The following HPSE2 variants were observed in gnomAD, a reference collection of about 807,000 sequenced individuals.
HPSE2 encodes the protein heparanase 2 (inactive).
Under a neutral mutation model 60.5 loss-of-function variants are expected in HPSE2, and 38 were observed. That is an observed-to-expected ratio of 0.63 (90% CI 0.48 to 0.82). The LOEUF (loss-of-function observed/expected upper bound fraction) is 0.82. HPSE2 is among the 40% of genes least tolerant of loss of function. The pLI, the probability that HPSE2 is intolerant of heterozygous loss-of-function variation, is 0.00. For missense variants in HPSE2, 713 were observed against 740.4 expected (o/e 0.96, Z 0.43); for synonymous variants, 295 against 293.2 (o/e 1.01, Z -0.06).
intron 3 of HPSE2, among the ~76,000 whole-genome samples, chr10:98,770,656 CT>C (rs1950221228): frequency 1.3e-5 from 2 of 152,052 alleles, no homozygotes; most frequent in East Asian, 1.9e-4. Flanking sequence ...CTCGCCTCCC[CT>C]TCCCCCAACC....
intron 3 of HPSE2, among the ~76,000 whole-genome samples, chr10:98,755,504 C>T (rs1246553579): frequency 1.3e-5 from 2 of 152,184 alleles, no homozygotes; most frequent in East Asian, 3.8e-4. Flanking sequence ...AAACTCAGCA[C>T]TTGACCAAAT....
At chr10:99,097,110 A>G (rs910967045) in intron 3 of HPSE2, among the ~76,000 whole-genome samples, 2 of 152,202 alleles carry the variant, frequency 1.3e-5, no homozygotes, top group African/African-American at 4.8e-5. Context: ...TATATACCCA[A>G]GGACAAGACC....
Position 99,044,216 on chromosome 10 carries a change from GA to G in HPSE2, c.610+100021del, listed in dbSNP as rs758647502. On this transcript the variant is annotated intron_variant, in intron 3 of 11. Transcript: ENST00000370552. ...GGGACCTCTGTTTAGTGTTCCTAAA[GA>G]AAAGAAATTCCAAGTAAGATTTCAT... is the stretch of plus-strand genomic sequence containing the variant. Among the ~76,000 whole-genome samples, 100 of 152,124 alleles carry G rather than the reference GA, an allele frequency of 6.6e-4. 1 individual carries two copies. The highest frequency in any genetic ancestry group is 2.8e-4 in the Non-Finnish European group (19 of 68,002).
chr10:98,577,793 G>A (rs150192114), intron 9 of HPSE2, among the ~76,000 whole-genome samples: 1 of 152,206 alleles, frequency 6.6e-6, no homozygotes, highest in Non-Finnish European at 1.5e-5. Flanking sequence ...GTTGCCTCCT[G>A]CTGGGATCTC....
chr10:99,017,287 G>A (rs979676845), intron 3 of HPSE2, among the ~76,000 whole-genome samples: 4 of 152,210 alleles, frequency 2.6e-5, no homozygotes, highest in African/African-American at 9.6e-5. Flanking sequence ...AGATAATCAT[G>A]TGGTTTTGTC....
chr10:99,282,051 A>T, the HPSE2 span, among the ~76,000 whole-genome samples: 1 of 152,176 alleles, frequency 6.6e-6, no homozygotes. Flanking sequence ...CAAGGTCAGG[A>T]GATCGAGACC....
intron 9 of HPSE2, among the ~76,000 whole-genome samples, chr10:98,491,094 CT>C (rs1349990914): frequency 1.3e-5 from 2 of 152,210 alleles, no homozygotes; most frequent in Non-Finnish European, 2.9e-5. Context: ...CCCTACCCCA[CT>C]CAAATTCCTG....
intron 9 of HPSE2, among the ~76,000 whole-genome samples, chr10:98,547,989 T>C (rs923637807): frequency 4.6e-5 from 7 of 152,174 alleles, no homozygotes; most frequent in Admixed American, 1.3e-4. Context: ...TTTAAATACA[T>C]ATAATAGATT....
intron 3 of HPSE2, among the ~76,000 whole-genome samples, chr10:98,887,529 C>T (rs1328156252): frequency 2.0e-5 from 3 of 151,962 alleles, no homozygotes; most frequent in African/African-American, 7.2e-5. Flanking sequence ...AGCCATAGGG[C>T]CAGAAAAGAC....
At chr10:99,166,985 T>A (rs946880953) in intron 2 of HPSE2, among the ~76,000 whole-genome samples, 3 of 150,272 alleles carry the variant, frequency 2.0e-5, no homozygotes, top group African/African-American at 4.9e-5. Flanking sequence ...CTTTCTTTTT[T>A]TCTTTTTTCT....
chr10:98,838,453 C>G (rs986364911), intron 3 of HPSE2, among the ~76,000 whole-genome samples: 2 of 149,424 alleles, frequency 1.3e-5, no homozygotes, highest in African/African-American at 5.1e-5. Flanking sequence ...TAATCCAGGC[C>G]TGATTCATTT....
At chr10:98,495,518 G>C (rs1398191318) in intron 9 of HPSE2, among the ~76,000 whole-genome samples, 1 of 151,886 alleles carries the variant, frequency 6.6e-6, no homozygotes, top group East Asian at 1.9e-4. Flanking sequence ...GTGTATATTA[G>C]TCCACTTAAT....
At chr10:98,543,149 C>T (rs867571568) in intron 9 of HPSE2, among the ~76,000 whole-genome samples, 17 of 152,122 alleles carry the variant, frequency 1.1e-4, no homozygotes, top group African/African-American at 3.9e-4. Flanking sequence ...ACTCTACAAG[C>T]CAGAAGAGAG....
intron 6 of HPSE2, among the ~76,000 whole-genome samples, chr10:98,668,115 C>T (rs1424735191): frequency 3.3e-5 from 5 of 152,084 alleles, no homozygotes; most frequent in Admixed American, 6.6e-5. Context: ...CATTTCAATA[C>T]ACCAATAACA....
intron 4 of HPSE2, among the ~76,000 whole-genome samples, chr10:98,730,022 C>G (rs1004100076): frequency 1.4e-4 from 22 of 152,026 alleles, no homozygotes; most frequent in Non-Finnish European, 2.5e-4. Flanking sequence ...CAGAATATTC[C>G]ACCCAACAAC....
intron 9 of HPSE2, among the ~76,000 whole-genome samples, chr10:98,611,605 G>A (rs541918418): frequency 2.6e-5 from 4 of 152,286 alleles, no homozygotes; most frequent in South Asian, 4.1e-4. Flanking sequence ...CAACCAGTAC[G>A]ATTCCCAGGT....
At chr10:99,077,619 A>G (rs981237325) in intron 3 of HPSE2, among the ~76,000 whole-genome samples, 50 of 151,962 alleles carry the variant, frequency 3.3e-4, no homozygotes, top group African/African-American at 1.2e-3. Flanking sequence ...GACTTCATAT[A>G]TATACACACA....
chr10:98,878,990 G>A (rs1330659508), intron 3 of HPSE2, among the ~76,000 whole-genome samples: 1 of 151,954 alleles, frequency 6.6e-6, no homozygotes, highest in Non-Finnish European at 1.5e-5. Flanking sequence ...TCTATGTCTA[G>A]CAACTGGGAG....
At chr10:98,940,178 G>A (rs1386851780) in intron 3 of HPSE2, among the ~76,000 whole-genome samples, 4 of 143,164 alleles carry the variant, frequency 2.8e-5, no homozygotes, top group South Asian at 2.1e-4. Context: ...AAGAACTAGA[G>A]AAGCAAGAAC....
Sources: gnomAD v4.1 joint callset for allele counts (sites outside exome capture counted in the v4.1 genomes callset) on GRCh38, gnomAD v4.1.1 for gene constraint, MANE v1.5 for transcripts, NCBI Gene and HGNC (gene_info 2026-07-23, HGNC 2026-07-21) for gene names.